Variants in ALG14 observed in about 807,000 individuals in gnomAD.
The protein encoded by ALG14 is UDP-N-acetylglucosamine transferase subunit ALG14.
A neutral mutation model predicts 22.8 loss-of-function variants in ALG14; 17 were observed. That is an observed-to-expected ratio of 0.75 (90% confidence interval 0.51 to 1.12). ALG14 has a LOEUF of 1.12. Among genes scored for constraint, ALG14 ranks in the 50% most tolerant of loss-of-function variants. The probability of loss-of-function intolerance (pLI) is 0.00; values close to 1 mark genes in which losing one functional copy is unlikely to be tolerated. For synonymous variants in ALG14, 89 were observed against 103.7 expected (o/e 0.86, Z 0.86); for missense variants, 288 against 271.8 (o/e 1.06, Z -0.42).
At chr1:94,991,104 C>T (rs770912784) in intron 3 of ALG14, among the ~76,000 whole-genome samples, 1 of 152,254 alleles carries the variant, frequency 6.6e-6, no homozygotes, top group Non-Finnish European at 1.5e-5. Flanking sequence ...TCAGTTTCCC[C>T]TGTCATGAAT....
intron 2 of ALG14, among the ~76,000 whole-genome samples, chr1:95,057,734 T>A (rs1399597263): frequency 6.6e-6 from 1 of 150,946 alleles, no homozygotes; most frequent in Non-Finnish European, 1.5e-5. Context: ...AAGAAAATGG[T>A]CCTAAATTGA....
intron 2 of ALG14, among the ~76,000 whole-genome samples, chr1:95,037,847 C>A (rs1014792149): frequency 1.3e-5 from 2 of 152,146 alleles, no homozygotes; most frequent in African/African-American, 4.8e-5. Flanking sequence ...AGCATGGATT[C>A]ATTCACTTGT....
chr1:95,033,564 AT>A, intron 2 of ALG14, among the ~76,000 whole-genome samples: 1 of 151,824 alleles, frequency 6.6e-6, no homozygotes, highest in Non-Finnish European at 1.5e-5. Flanking sequence ...TTCCACCACA[AT>A]GGGCTACTCC....
At chr1:95,066,737 A>C (rs1299983401) in intron 1 of ALG14, among the ~76,000 whole-genome samples, 2 of 152,148 alleles carry the variant, frequency 1.3e-5, no homozygotes, top group African/African-American at 4.8e-5. Context: ...GCCTCGAAAA[A>C]AAACAAAAAA....
At chr1:95,052,943 C>T (rs1323259664) in intron 2 of ALG14, among the ~76,000 whole-genome samples, 1 of 150,248 alleles carries the variant, frequency 6.7e-6, no homozygotes, top group Non-Finnish European at 1.5e-5. Flanking sequence ...ATAAAGACAT[C>T]TTCATTAACA....
chr1:94,996,173 A>G (rs1672905159), intron 3 of ALG14, among the ~76,000 whole-genome samples: 1 of 152,232 alleles, frequency 6.6e-6, no homozygotes, highest in African/African-American at 2.4e-5. Flanking sequence ...GGGGTACTTA[A>G]CAGAAATGTA....
intron 2 of ALG14, among the ~76,000 whole-genome samples, chr1:95,049,135 G>C (rs1361443076): frequency 6.6e-6 from 1 of 152,054 alleles, no homozygotes; most frequent in Non-Finnish European, 1.5e-5. Flanking sequence ...AAAATCTGCT[G>C]TATATTAATA....
chr1:95,060,796 T>G (rs947608920), intron 2 of ALG14, among the ~76,000 whole-genome samples: 3 of 152,184 alleles, frequency 2.0e-5, no homozygotes, highest in Admixed American at 6.5e-5. Flanking sequence ...CAAACCCAAC[T>G]TACTTGGTTC....
chr1:95,041,961 A>G (rs74101993), intron 2 of ALG14, among the ~76,000 whole-genome samples: 7,098 of 152,272 alleles, frequency 0.047, 224 homozygotes, highest in South Asian at 0.083. Context: ...TTCCAAAATA[A>G]AAGGATATGA....
At position 95,054,839 on chromosome 1, in the gene ALG14, T is replaced by C. The variant is rs1427037884; in HGVS notation, c.288+10027A>G. Reference sequence around the variant, plus strand: ...TTTGATGAGAGTACTGTAACCTTGATACCAATACCAAAGAAAAGCATGAGA... The same window carrying C: ...TTTGATGAGAGTACTGTAACCTTGACACCAATACCAAAGAAAAGCATGAGA... On this transcript the variant is annotated intron_variant, in intron 2 of 3. Coordinates refer to ENST00000370205, the MANE Select transcript of ALG14 (RefSeq NM_144988.4). Among the ~76,000 whole-genome samples the C allele has an allele frequency of 7.9e-5, 12 of 152,194 alleles. No individual in the cohort carries two copies. The South Asian group carries it at 2.1e-3, about 26-fold the overall frequency.
chr1:95,000,535 TA>T (rs71588535), intron 3 of ALG14, among the ~76,000 whole-genome samples: 103 of 70,620 alleles, frequency 1.5e-3, no homozygotes, highest in East Asian at 7.8e-3. Context: ...GACCCTGTCC[TA>T]AAAAAAAAAA....
intron 3 of ALG14, among the ~76,000 whole-genome samples, chr1:95,001,679 A>G (rs1673073360): frequency 6.6e-6 from 1 of 152,098 alleles, no homozygotes; most frequent in Non-Finnish European, 1.5e-5. Flanking sequence ...TATTTTTAGT[A>G]GAGATGGGGT....
At chr1:95,045,493 T>G (rs989383963) in intron 2 of ALG14, among the ~76,000 whole-genome samples, 11 of 152,060 alleles carry the variant, frequency 7.2e-5, no homozygotes, top group African/African-American at 2.7e-4. Context: ...GCCAGGGATA[T>G]CAATGTGATT....
chr1:94,984,105 A>C (rs777843191), intron 3 of ALG14, among the ~76,000 whole-genome samples: 42 of 152,152 alleles, frequency 2.8e-4, no homozygotes, highest in Non-Finnish European at 5.6e-4. Context: ...TGTTGGTAAG[A>C]TATTACTGTT....
intron 2 of ALG14, among the ~76,000 whole-genome samples, chr1:95,059,397 C>CAAAAAAA (rs67569341): frequency 1.3e-5 from 1 of 78,586 alleles, no homozygotes; most frequent in Non-Finnish European, 2.3e-5. Context: ...GACTCTGTCT[C>CAAAAAAA]AAAAAAAAAA....
At chr1:95,011,448 CAG>C (rs1673358935) in intron 3 of ALG14, among the ~76,000 whole-genome samples, 1 of 150,002 alleles carries the variant, frequency 6.7e-6, no homozygotes, top group Non-Finnish European at 1.5e-5. Context: ...TTTTTTGAGA[CAG>C]AGTCTCACTC....
intron 2 of ALG14, among the ~76,000 whole-genome samples, chr1:95,064,493 G>T (rs1375514262): frequency 6.6e-6 from 1 of 152,138 alleles, no homozygotes; most frequent in Admixed American, 6.5e-5. Context: ...AACACGAAAG[G>T]ATGTTGAATT....
rs755717768 is a variant in ALG14 at position 94,984,542 on chromosome 1, C to T, written c.421-1236G>A. 3.7e-4 allele frequency among the ~76,000 whole-genome samples: 56 copies of T among 152,206 alleles called. 1 individual carries two copies. Among genetic ancestry groups the T allele is most frequent in the Non-Finnish European group, 8.8e-5 (6 of 68,046 alleles). ...GTCTGTTTTAGATGAGACCAATCTT[C>T]CTTATGTCTTCCTCAAAGCTCTCTA... On this transcript the variant is annotated intron_variant, in intron 3 of 3. Transcript: ENST00000370205.
At chr1:95,071,243 T>C (rs1240389024) in intron 1 of ALG14, among the ~76,000 whole-genome samples, 1 of 152,118 alleles carries the variant, frequency 6.6e-6, no homozygotes, top group African/African-American at 2.4e-5. Context: ...GTAGCAGCAA[T>C]TGCTTTATAA....
Sources: gnomAD v4.1 joint callset for allele counts (sites outside exome capture counted in the v4.1 genomes callset) on GRCh38, gnomAD v4.1.1 for gene constraint, MANE v1.5 for transcripts, NCBI Gene and HGNC (gene_info 2026-07-23, HGNC 2026-07-21) for gene names.